Variants in PAX5 observed in about 807,000 individuals in gnomAD.
PAX5 encodes the protein paired box 5.
Under a neutral mutation model 43.7 loss-of-function variants are expected in PAX5, and 9 were observed. That is an observed-to-expected ratio of 0.21 (90% CI 0.12 to 0.36). The LOEUF (loss-of-function observed/expected upper bound fraction) is 0.36. Among genes scored for constraint, PAX5 ranks in the 10% least tolerant of loss-of-function variants. The pLI is 1.00. For synonymous variants in PAX5, 228 were observed against 214.3 expected (o/e 1.06, Z -0.56); for missense variants, 383 against 532.7 (o/e 0.72, Z 2.77).
rs1388744713 is a variant in PAX5, at chr9:36,956,518, C to CT, written c.780+10030dup. Among the ~76,000 whole-genome samples the CT allele has an allele frequency of 3.3e-5, 5 of 152,312 alleles. No homozygotes were observed. The East Asian group carries it at 9.6e-4, about 29-fold the overall frequency. On this transcript the variant is annotated intron_variant, in intron 6 of 9. Coordinates refer to ENST00000358127, the MANE Select transcript of PAX5 (RefSeq NM_016734.3). ...AAAACCATGACCCAGAGTGACTAGC[C>CT]TAAGAGCCATCACTAAAGCCCAGAA...
chr9:36,886,940 C>T lies in PAX5; in HGVS notation c.911-4835G>A, dbSNP rs116456165. Among the ~76,000 whole-genome samples the T allele has an allele frequency of 2.6e-3, 390 of 152,242 alleles. 1 individual carries two copies. The highest frequency in any genetic ancestry group is 9.0e-3 in the African/African-American group (375 of 41,558). On this transcript the variant is annotated intron_variant, in intron 7 of 9. Transcript: ENST00000358127. ...GAACAGTGAAACTCAACACAAAGGC[C>T]ACTCCTCCAGAAGAGACACATTTGG... is the stretch of plus-strand genomic sequence containing the variant.
chr9:36,909,961 A>G (rs981971212), intron 7 of PAX5, among the ~76,000 whole-genome samples: 1 of 151,684 alleles, frequency 6.6e-6, no homozygotes, highest in African/African-American at 2.4e-5. Flanking sequence ...AGCTGGGACT[A>G]TGGGCACGCA....
intron 3 of PAX5, among the ~76,000 whole-genome samples, chr9:37,013,517 G>A (rs1450582428): frequency 1.3e-5 from 2 of 152,178 alleles, no homozygotes; most frequent in African/African-American, 4.8e-5. Context: ...CTGTCATGTT[G>A]TTTTGTGTCG....
intron 6 of PAX5, among the ~76,000 whole-genome samples, chr9:36,956,110 T>G (rs1833456676): frequency 6.6e-6 from 1 of 152,148 alleles, no homozygotes; most frequent in Admixed American, 6.5e-5. Flanking sequence ...AGGGGAAATA[T>G]CTCTACTCAA....
intron 5 of PAX5, among the ~76,000 whole-genome samples, chr9:36,985,178 A>G (rs1449667695): frequency 6.6e-6 from 1 of 152,204 alleles, no homozygotes; most frequent in Non-Finnish European, 1.5e-5. Context: ...GGTGATTGTC[A>G]CCGGGTGGCA....
chr9:36,901,797 C>G (rs1261729737), intron 7 of PAX5, among the ~76,000 whole-genome samples: 1 of 152,194 alleles, frequency 6.6e-6, no homozygotes, highest in Non-Finnish European at 1.5e-5. Context: ...TCAGCTTCCT[C>G]TTCTGTAAAA....
At chr9:36,972,278 G>C (rs1246560323) in intron 5 of PAX5, among the ~76,000 whole-genome samples, 1 of 152,214 alleles carries the variant, frequency 6.6e-6, no homozygotes, top group African/African-American at 2.4e-5. Flanking sequence ...TGGCAGGGCC[G>C]TGGCAGGGCC....
At chr9:36,848,379 C>CACACACAA (rs1226041816) in intron 8 of PAX5, among the ~76,000 whole-genome samples, 1 of 151,842 alleles carries the variant, frequency 6.6e-6, no homozygotes, top group Non-Finnish European at 1.5e-5. Context: ...CACACACACA[C>CACACACAA]ACATGCTCGC....
At chr9:36,929,826 A>G (rs1261299017) in intron 6 of PAX5, among the ~76,000 whole-genome samples, 1 of 152,138 alleles carries the variant, frequency 6.6e-6, no homozygotes, top group African/African-American at 2.4e-5. Flanking sequence ...TCCCTGTTTC[A>G]GTGATTCTCC....
At chr9:36,975,912 C>G (rs961907079) in intron 5 of PAX5, among the ~76,000 whole-genome samples, 1 of 152,226 alleles carries the variant, frequency 6.6e-6, no homozygotes, top group African/African-American at 2.4e-5. Context: ...CCATTTACCT[C>G]AAGCATAGGA....
intron 6 of PAX5, among the ~76,000 whole-genome samples, chr9:36,962,823 C>T (rs1465751925): frequency 6.6e-6 from 1 of 152,218 alleles, no homozygotes; most frequent in South Asian, 2.1e-4. Context: ...ACTGAGACAG[C>T]TCAATCTGCT....
chr9:36,993,296 T>A (rs961606630), intron 5 of PAX5, among the ~76,000 whole-genome samples: 9 of 152,252 alleles, frequency 5.9e-5, no homozygotes, highest in African/African-American at 1.9e-4. Context: ...GTTACTGTTA[T>A]TTTTAATAAA....
At position 36,879,241 on chromosome 9, in the gene PAX5, G is replaced by A. The variant is rs77238905; in HGVS notation, c.1012+2763C>T. Among the ~76,000 whole-genome samples the A allele has an allele frequency of 6.4e-3, 973 of 152,380 alleles. 8 individuals are homozygous for A. Among genetic ancestry groups the A allele is most frequent in the African/African-American group, 0.021 (876 of 41,592 alleles). ...AGAGTCGCCATCCATTCCCACTGGAGGCTCTGCCAGGCCTGCAGCCATCTG... is the reference window on the plus strand; with the variant it reads ...AGAGTCGCCATCCATTCCCACTGGAAGCTCTGCCAGGCCTGCAGCCATCTG... On this transcript the variant is annotated intron_variant, in intron 8 of 9. Transcript: ENST00000358127.
chr9:36,968,441 T>C (rs564771118), intron 5 of PAX5, among the ~76,000 whole-genome samples: 1 of 152,346 alleles, frequency 6.6e-6, no homozygotes, highest in South Asian at 2.1e-4. Flanking sequence ...GCTTTGAGTT[T>C]TGGCCTTTCG....
At chr9:36,923,156 T>C (rs1830315101) in intron 7 of PAX5, 199 bp downstream of exon 7, 1 of 575,398 alleles carries the variant, frequency 1.7e-6, no homozygotes, top group Non-Finnish European at 3.0e-6. Context: ...TCCCCAGCTT[T>C]GTTGGAATCA....
At chr9:37,027,248 G>A (rs1840485701) in intron 1 of PAX5, among the ~76,000 whole-genome samples, 1 of 152,204 alleles carries the variant, frequency 6.6e-6, no homozygotes, top group South Asian at 2.1e-4. Context: ...CCCTGACGCT[G>A]GGGCCGCGAC....
At chr9:36,945,236 G>GTTTTTTTTTTTTTTT (rs1832392065) in intron 6 of PAX5, among the ~76,000 whole-genome samples, 1 of 151,088 alleles carries the variant, frequency 6.6e-6, no homozygotes, top group African/African-American at 2.4e-5. Flanking sequence ...TTTTTTTTTA[G>GTTTTTTTTTTTTTTT]TTTTTTGTTT....
intron 8 of PAX5, among the ~76,000 whole-genome samples, chr9:36,873,755 CG>C (rs1825689709): frequency 6.6e-6 from 1 of 152,192 alleles, no homozygotes; most frequent in Non-Finnish European, 1.5e-5. Flanking sequence ...CACCAGTGTC[CG>C]CTGGACCCTC....
intron 5 of PAX5, among the ~76,000 whole-genome samples, chr9:36,973,950 A>T (rs1484195949): frequency 6.6e-6 from 1 of 152,202 alleles, no homozygotes; most frequent in Non-Finnish European, 1.5e-5. Flanking sequence ...TGGTGAGCCA[A>T]GATCATGCCA....
Sources: gnomAD v4.1 joint callset for allele counts (sites outside exome capture counted in the v4.1 genomes callset) on GRCh38, gnomAD v4.1.1 for gene constraint, MANE v1.5 for transcripts, NCBI Gene and HGNC (gene_info 2026-07-23, HGNC 2026-07-21) for gene names.